PIK3C2G: variants seen among roughly 807,000 people sequenced by gnomAD.
PIK3C2G encodes phosphatidylinositol-4-phosphate 3-kinase catalytic subunit type 2 gamma.
PIK3C2G carries 168 observed loss-of-function variants against 181.1 expected under a neutral mutation model. The observed-to-expected ratio is 0.93, with a 90% CI of 0.82 to 1.05. PIK3C2G has a LOEUF of 1.05. Among genes scored for constraint, PIK3C2G ranks in the 50% least tolerant of loss-of-function variants. The pLI, the probability that PIK3C2G is intolerant of heterozygous loss-of-function variation, is 0.00. For missense variants in PIK3C2G, 1,869 were observed against 1,732.8 expected (o/e 1.08, Z -1.40); for synonymous variants, 573 against 592.2 (o/e 0.97, Z 0.47).
intron 16 of PIK3C2G, among the ~76,000 whole-genome samples, chr12:18,408,917 T>C (rs1156504903): frequency 6.6e-6 from 1 of 152,072 alleles, no homozygotes; most frequent in East Asian, 1.9e-4. Flanking sequence ...GGAGAGGATG[T>C]GGGGAAATAG....
chr12:18,704,621 C>T, the PIK3C2G span, among the ~76,000 whole-genome samples: 6 of 151,794 alleles, frequency 4.0e-5, no homozygotes, highest in Admixed American at 6.6e-5. Flanking sequence ...GTCACTGCAC[C>T]GGGCCATAGA....
chr12:18,698,302 A>T, the PIK3C2G span, among the ~76,000 whole-genome samples: 1 of 151,670 alleles, frequency 6.6e-6, no homozygotes. Context: ...ATTCCATTCC[A>T]TTCCATCCCA....
At chr12:18,683,405 C>G in the PIK3C2G span, 1 of 1,490,102 alleles carries the variant, frequency 6.7e-7, no homozygotes, top group Non-Finnish European at 9.3e-7. Flanking sequence ...GAAACAAGAG[C>G]TCTTTACTAA....
the PIK3C2G span, chr12:18,719,361 A>G: frequency 1.1e-6 from 1 of 873,738 alleles, no homozygotes; most frequent in Non-Finnish European, 1.6e-6. Flanking sequence ...ACTCTTGCCT[A>G]CTGAGGTAGA....
At chr12:18,282,805 C>CAG in intron 2 of PIK3C2G, 46 bp downstream of exon 2, 1 of 1,236,436 alleles carries the variant, frequency 8.1e-7, no homozygotes, top group Non-Finnish European at 1.1e-6. Flanking sequence ...CTGAAAGAAT[C>CAG]ATTCAATAAT....
chr12:18,418,884 T>C (rs1400843812), intron 16 of PIK3C2G, among the ~76,000 whole-genome samples: 1 of 152,104 alleles, frequency 6.6e-6, no homozygotes, highest in Non-Finnish European at 1.5e-5. Flanking sequence ...CACAGGTAAA[T>C]TGATGCTTGA....
intron 1 of PIK3C2G, among the ~76,000 whole-genome samples, chr12:18,268,893 CAA>C (rs1948623272): frequency 6.6e-6 from 1 of 151,854 alleles, no homozygotes; most frequent in Admixed American, 6.6e-5. Context: ...ATAACTTTGT[CAA>C]AGATTCAGTC....
intron 21 of PIK3C2G, 45 bp downstream of exon 21, chr12:18,496,199 C>T (rs1159245257): frequency 9.1e-7 from 1 of 1,099,240 alleles, no homozygotes; most frequent in East Asian, 2.6e-5. Flanking sequence ...ATACACAGAA[C>T]TATCGATTTA....
At chr12:18,284,096 G>A (rs1045551791) in intron 2 of PIK3C2G, among the ~76,000 whole-genome samples, 1 of 152,136 alleles carries the variant, frequency 6.6e-6, no homozygotes, top group Non-Finnish European at 1.5e-5. Flanking sequence ...AGTAGAGAGA[G>A]GACTTACGGC....
At position 18,390,730 on chromosome 12, in the gene PIK3C2G, TA is replaced by T. The variant is rs374577313; in HGVS notation, c.1996-390del. Reference sequence around the variant, plus strand: ...TCAGGCGGGTTACATGAAAAAAGCATAATTACCAATGTTAAATTTCATCATT... The same window carrying T: ...TCAGGCGGGTTACATGAAAAAAGCATATTACCAATGTTAAATTTCATCATT... On this transcript the variant is annotated intron_variant, in intron 14 of 32. Coordinates refer to ENST00000538779, the MANE Select transcript of PIK3C2G (RefSeq NM_001288772.2). 8.4e-3 allele frequency among the ~76,000 whole-genome samples: 1,285 copies of T among 152,240 alleles called. 6 individuals carry two copies. The highest frequency in any genetic ancestry group is 0.015 in the Non-Finnish European group (1,026 of 67,952).
intron 14 of PIK3C2G, among the ~76,000 whole-genome samples, chr12:18,388,002 T>A (rs572276690): frequency 6.6e-6 from 1 of 152,346 alleles, no homozygotes; most frequent in Non-Finnish European, 1.5e-5. Flanking sequence ...TTTTCTAACA[T>A]TTTAGTACAT....
chr12:18,339,651 G>A (rs1938931546), intron 9 of PIK3C2G, among the ~76,000 whole-genome samples: 1 of 152,094 alleles, frequency 6.6e-6, no homozygotes, highest in Non-Finnish European at 1.5e-5. Context: ...AACAGAAATA[G>A]TCATGCTTAC....
At chr12:18,560,764 A>G (rs868279021) in intron 26 of PIK3C2G, among the ~76,000 whole-genome samples, 1 of 152,170 alleles carries the variant, frequency 6.6e-6, no homozygotes, top group Non-Finnish European at 1.5e-5. Context: ...TCAAAAGTGA[A>G]AGGATTTGAA....
chr12:18,549,099 G>A (rs1375095380), intron 26 of PIK3C2G, among the ~76,000 whole-genome samples: 2 of 151,998 alleles, frequency 1.3e-5, no homozygotes, highest in Non-Finnish European at 2.9e-5. Context: ...TGGACAGCTA[G>A]TACCTCATCC....
intron 31 of PIK3C2G, among the ~76,000 whole-genome samples, chr12:18,635,455 C>A (rs188386621): frequency 6.6e-6 from 1 of 152,168 alleles, no homozygotes; most frequent in African/African-American, 2.4e-5. Context: ...CCATCCAATT[C>A]GTGATGGGCA....
chr12:18,696,040 G>A, the PIK3C2G span: 39 of 614,614 alleles, frequency 6.3e-5, no homozygotes, highest in African/African-American at 1.2e-4. Flanking sequence ...AAAGCCCCCG[G>A]GCTAAAAAAT....
chr12:18,546,681 G>C (rs1464893696), intron 26 of PIK3C2G, among the ~76,000 whole-genome samples: 1 of 152,002 alleles, frequency 6.6e-6, no homozygotes, highest in Non-Finnish European at 1.5e-5. Flanking sequence ...TGCTCAATAA[G>C]AGGTCATTGA....
chr12:18,291,468 C>T (rs1254686064), intron 4 of PIK3C2G, among the ~76,000 whole-genome samples: 1 of 151,964 alleles, frequency 6.6e-6, no homozygotes, highest in Non-Finnish European at 1.5e-5. Context: ...TATAACATAC[C>T]TCCATCAGAA....
At chr12:18,546,662 C>G (rs1944446816) in intron 26 of PIK3C2G, among the ~76,000 whole-genome samples, 1 of 152,020 alleles carries the variant, frequency 6.6e-6, no homozygotes, top group Non-Finnish European at 1.5e-5. Context: ...GCCTCTTCAT[C>G]TAACAGATTG....
Sources: gnomAD v4.1 joint callset for allele counts (sites outside exome capture counted in the v4.1 genomes callset) on GRCh38, gnomAD v4.1.1 for gene constraint, MANE v1.5 for transcripts, NCBI Gene and HGNC (gene_info 2026-07-23, HGNC 2026-07-21) for gene names.